The following GABRG3 variants were observed in gnomAD, a reference collection of about 807,000 sequenced individuals.
The protein encoded by GABRG3 is gamma-aminobutyric acid receptor subunit gamma-3.
Under a neutral mutation model 48.8 loss-of-function variants are expected in GABRG3, and 25 were observed. That is an observed-to-expected ratio of 0.51 (90% CI 0.37 to 0.72). GABRG3 has a LOEUF of 0.72. GABRG3 is among the 30% of genes least tolerant of loss of function. GABRG3 has a pLI of 0.00. For missense variants in GABRG3, 394 were observed against 577.9 expected (o/e 0.68, Z 3.26); for synonymous variants, 227 against 217.6 (o/e 1.04, Z -0.38).
chr15:27,434,863 G>C (rs149389647), intron 5 of GABRG3, among the ~76,000 whole-genome samples: 1 of 152,094 alleles, frequency 6.6e-6, no homozygotes, highest in Non-Finnish European at 1.5e-5. Flanking sequence ...TTCCCCTTTG[G>C]CAAGTAGCTG....
intron 5 of GABRG3, among the ~76,000 whole-genome samples, chr15:27,419,654 C>T (rs998709255): frequency 1.3e-5 from 2 of 152,154 alleles, no homozygotes; most frequent in Non-Finnish European, 2.9e-5. Context: ...GCTTTGTCCA[C>T]TTAAACATAA....
chr15:27,211,757 T>C (rs991399493), intron 3 of GABRG3, among the ~76,000 whole-genome samples: 7 of 152,170 alleles, frequency 4.6e-5, no homozygotes, highest in South Asian at 2.1e-4. Context: ...CCACCTAGAA[T>C]TGTGCTTTTG....
intron 5 of GABRG3, among the ~76,000 whole-genome samples, chr15:27,474,486 A>G (rs1287410725): frequency 6.6e-6 from 1 of 152,116 alleles, no homozygotes; most frequent in Non-Finnish European, 1.5e-5. Flanking sequence ...ATTATCCACA[A>G]AAAAAGCTGC....
intron 3 of GABRG3, among the ~76,000 whole-genome samples, chr15:27,079,408 G>T (rs1248891862): frequency 6.6e-6 from 1 of 152,134 alleles, no homozygotes; most frequent in Non-Finnish European, 1.5e-5. Flanking sequence ...GAGCAGGGAG[G>T]CACATGTGTT....
In GABRG3 at chr15:27,268,143, T is replaced by C. The variant is rs144513564; in HGVS notation, c.271-58666T>C. Among the ~76,000 whole-genome samples the C allele has an allele frequency of 9.9e-4, 151 of 152,316 alleles. 1 individual carries two copies. The highest frequency in any genetic ancestry group is 3.3e-3 in the African/African-American group (139 of 41,568). ...ATTTTTTACTGATATTGTTAGTACA[T>C]TCACTAGTGAAGTCATCTTGACATG... On this transcript the variant is annotated intron_variant, in intron 3 of 9. Coordinates refer to ENST00000615808, the MANE Select transcript of GABRG3 (RefSeq NM_033223.5).
chr15:27,361,656 A>G (rs1895027569), intron 5 of GABRG3, among the ~76,000 whole-genome samples: 1 of 152,180 alleles, frequency 6.6e-6, no homozygotes, highest in Admixed American at 6.5e-5. Context: ...TAAGCACACT[A>G]ACATTTAATG....
intron 3 of GABRG3, among the ~76,000 whole-genome samples, chr15:27,044,958 TGGA>T: frequency 6.6e-6 from 1 of 152,236 alleles, no homozygotes. Flanking sequence ...ACAGCTGGTA[TGGA>T]GGCCTCTAAA....
chr15:27,344,570 T>A (rs1894302152), intron 5 of GABRG3, among the ~76,000 whole-genome samples: 2 of 152,174 alleles, frequency 1.3e-5, no homozygotes, highest in Admixed American at 1.3e-4. Flanking sequence ...ATTTTTATAA[T>A]AAAGTTATTT....
chr15:27,343,090 C>T (rs1048392965), intron 5 of GABRG3, among the ~76,000 whole-genome samples: 14 of 152,196 alleles, frequency 9.2e-5, no homozygotes, highest in African/African-American at 3.4e-4. Flanking sequence ...TTTAAGCTCC[C>T]CTGCCCTTCG....
chr15:27,470,457 T>G (rs573862743), intron 5 of GABRG3, among the ~76,000 whole-genome samples: 1 of 151,924 alleles, frequency 6.6e-6, no homozygotes, highest in Non-Finnish European at 1.5e-5. Context: ...GGTCTCGAAC[T>G]CCTGAGCTCA....
rs1478157977 is a variant in GABRG3 at position 27,046,781 on chromosome 15, A to G, written c.270+19960A>G. Among the ~76,000 whole-genome samples, 4 of 152,200 alleles carry G rather than the reference A, an allele frequency of 2.6e-5. No individual in the cohort carries two copies. In the East Asian group the frequency reaches 5.8e-4, roughly 22 times the overall value. ...AATGTCAGTCCACTCTTGGAGAGGA[A>G]GAGGATGTTCATTTTGCCGTTGTCT... On this transcript the variant is annotated intron_variant, in intron 3 of 9. Transcript: ENST00000615808.
At chr15:27,444,936 A>G (rs942856499) in intron 5 of GABRG3, among the ~76,000 whole-genome samples, 4 of 152,104 alleles carry the variant, frequency 2.6e-5, no homozygotes, top group African/African-American at 9.7e-5. Flanking sequence ...CAATTGTGCA[A>G]TCTTGGCTCA....
At chr15:27,435,653 C>T (rs932056422) in intron 5 of GABRG3, among the ~76,000 whole-genome samples, 9 of 152,272 alleles carry the variant, frequency 5.9e-5, no homozygotes, top group South Asian at 2.1e-4. Context: ...GCTAGTCTCT[C>T]GTTATCTTAT....
intron 3 of GABRG3, among the ~76,000 whole-genome samples, chr15:27,138,810 C>T (rs1421366248): frequency 6.6e-6 from 1 of 152,116 alleles, no homozygotes; most frequent in Non-Finnish European, 1.5e-5. Context: ...TATCCATTGT[C>T]CTGTTTTTCT....
At chr15:27,333,922 G>A (rs1893881979) in intron 5 of GABRG3, among the ~76,000 whole-genome samples, 1 of 152,064 alleles carries the variant, frequency 6.6e-6, no homozygotes, top group African/African-American at 2.4e-5. Flanking sequence ...ACAAATTTTG[G>A]TCATTTAGTT....
intron 3 of GABRG3, among the ~76,000 whole-genome samples, chr15:27,258,708 A>C (rs773896098): frequency 2.0e-5 from 3 of 152,226 alleles, no homozygotes; most frequent in Non-Finnish European, 2.9e-5. Flanking sequence ...GGTAATTAGC[A>C]TATCCACCAC....
chr15:27,443,650 C>G (rs539531595), intron 5 of GABRG3, among the ~76,000 whole-genome samples: 38 of 152,080 alleles, frequency 2.5e-4, no homozygotes, highest in Non-Finnish European at 3.7e-4. Context: ...TTCTCCTTGT[C>G]TGATTGAACT....
chr15:27,057,556 A>G (rs959244028), intron 3 of GABRG3, among the ~76,000 whole-genome samples: 21 of 152,124 alleles, frequency 1.4e-4, no homozygotes, highest in Admixed American at 3.3e-4. Context: ...ACGATCCTAG[A>G]AGACGTGTCT....
At chr15:27,075,353 C>T (rs1475472675) in intron 3 of GABRG3, among the ~76,000 whole-genome samples, 1 of 152,174 alleles carries the variant, frequency 6.6e-6, no homozygotes, top group East Asian at 1.9e-4. Flanking sequence ...TTGAGCTATG[C>T]TATGGTTTCT....
Sources: gnomAD v4.1 joint callset for allele counts (sites outside exome capture counted in the v4.1 genomes callset) on GRCh38, gnomAD v4.1.1 for gene constraint, MANE v1.5 for transcripts, NCBI Gene and HGNC (gene_info 2026-07-23, HGNC 2026-07-21) for gene names.